Variants in SLC25A33 observed in about 807,000 individuals in gnomAD.
SLC25A33 encodes the protein bone marrow stromal cell mitochondrial carrier protein.
A neutral mutation model predicts 35.5 loss-of-function variants in SLC25A33; 15 were observed. That is an observed-to-expected ratio of 0.42 (90% CI 0.28 to 0.65). The LOEUF (loss-of-function observed/expected upper bound fraction) is 0.65, where lower values mean the gene tolerates loss of function less well. SLC25A33 is among the 30% of genes least tolerant of loss of function. The pLI, the probability that SLC25A33 is intolerant of heterozygous loss-of-function variation, is 0.20. For synonymous variants in SLC25A33, 136 were observed against 148.7 expected (o/e 0.91, Z 0.62); for missense variants, 257 against 398.5 (o/e 0.64, Z 3.02).
At chr1:9,555,102 ATTTAGCAC>A (rs1643320623) in intron 2 of SLC25A33, among the ~76,000 whole-genome samples, 6 of 144,850 alleles carry the variant, frequency 4.1e-5, no homozygotes, top group Non-Finnish European at 7.6e-5. Context: ...AAAACAACGC[ATTTAGCAC>A]TTTTTTTTTT....
chr1:9,552,038 TGAA>T (rs1379203603), intron 1 of SLC25A33, among the ~76,000 whole-genome samples: 1 of 152,164 alleles, frequency 6.6e-6, no homozygotes, highest in Non-Finnish European at 1.5e-5. Context: ...TGAGTTGCCT[TGAA>T]GAAAAATATT....
rs768526283 is a variant in SLC25A33 at position 9,567,287 on chromosome 1, G to A, written c.240G>A (p.Ser80=). ...VTPGLFQVLK[S]ILEKEGPKSL... ...TTTGTCTTTTCTTATTATTCAGGTCGATCTTGGAGAAAGAGGGACCAAAGT... is the reference window on the plus strand; with the variant it reads ...TTTGTCTTTTCTTATTATTCAGGTCAATCTTGGAGAAAGAGGGACCAAAGT... Residue 80 remains serine, a synonymous_variant, in exon 3 of 7, where the codon TCG becomes TCA. Transcript: ENST00000302692. The A allele has an allele frequency of 2.1e-5, 34 of 1,613,792 alleles. No homozygotes were observed. The highest frequency in any genetic ancestry group is 2.7e-5 in the African/African-American group (2 of 75,024).
chr1:9,570,248 G>C lies in SLC25A33; in HGVS notation c.315-10G>C. On this transcript the variant is annotated splice_polypyrimidine_tract_variant and intron_variant, in intron 3 of 6. Coordinates refer to ENST00000302692, the MANE Select transcript of SLC25A33 (RefSeq NM_032315.3). The stretch of plus-strand genomic sequence containing the variant: ...ATGATTTCTTTATAATGTTCTCTTT[G>C]TTCTAACAGGGCTGTATACTTTGCA... 1.2e-6 allele frequency: 2 copies of C among 1,610,064 alleles called. No individual in the cohort carries two copies. Among genetic ancestry groups the C allele is most frequent in the Non-Finnish European group, 1.7e-6 (2 of 1,177,986 alleles).
intron 1 of SLC25A33, among the ~76,000 whole-genome samples, chr1:9,548,469 G>T (rs1322957270): frequency 6.6e-6 from 1 of 151,996 alleles, no homozygotes; most frequent in Non-Finnish European, 1.5e-5. Context: ...GTAATCCCAG[G>T]AACTCATGAG....
At chr1:9,567,441 T>A in intron 3 of SLC25A33, 80 bp downstream of exon 3, 3 of 1,270,568 alleles carry the variant, frequency 2.4e-6, no homozygotes, top group Non-Finnish European at 3.4e-6. Context: ...GTGATGCTGC[T>A]GAATGACCAG....
At chr1:9,545,484 G>A (rs1423216268) in intron 1 of SLC25A33, among the ~76,000 whole-genome samples, 6 of 151,962 alleles carry the variant, frequency 3.9e-5, no homozygotes, top group Non-Finnish European at 1.5e-5. Flanking sequence ...TGCAACCTCC[G>A]CCCTCCGAGT....
chr1:9,560,100 A>G (rs1643400080), intron 2 of SLC25A33, among the ~76,000 whole-genome samples: 1 of 151,884 alleles, frequency 6.6e-6, no homozygotes, highest in Non-Finnish European at 1.5e-5. Context: ...AAAAATACAA[A>G]AACCAGCCGG....
intron 2 of SLC25A33, among the ~76,000 whole-genome samples, chr1:9,565,262 A>G (rs913609017): frequency 2.0e-4 from 30 of 152,186 alleles, no homozygotes; most frequent in African/African-American, 7.2e-4. Flanking sequence ...CTCGCCTGTA[A>G]TCCCAGCACT....
At chr1:9,556,426 T>TA in intron 2 of SLC25A33, among the ~76,000 whole-genome samples, 3 of 152,252 alleles carry the variant, frequency 2.0e-5, no homozygotes, top group Non-Finnish European at 4.4e-5. Context: ...TTTTACAGGA[T>TA]ATGTGGGTTG....
intron 1 of SLC25A33, among the ~76,000 whole-genome samples, chr1:9,542,371 A>G (rs1273400882): frequency 6.6e-6 from 1 of 152,110 alleles, no homozygotes; most frequent in African/African-American, 2.4e-5. Flanking sequence ...ATTGTATTTA[A>G]CAAGTTTCCG....
At position 9,582,285 on chromosome 1, in the gene SLC25A33, T is replaced by C; in HGVS notation, c.764-14T>C. ...TTAATATGTGGCGTAAAGTAGGTCT[T>C]TCTCTCTCTGCAGAAGTCATAAGGA... On this transcript the variant is annotated splice_polypyrimidine_tract_variant and intron_variant, in intron 6 of 6. Transcript: ENST00000302692. This position sits in a 1 kb window ranked among gnomAD's most constrained non-coding sequence, Gnocchi z 4.0. 12 of 1,613,760 alleles carry C rather than the reference T, an allele frequency of 7.4e-6. No individual in the cohort carries two copies. The highest frequency in any genetic ancestry group is 2.2e-5 in the South Asian group (2 of 91,064).
At chr1:9,577,104 G>T (rs1643670563) in intron 5 of SLC25A33, 1 of 508,900 alleles carries the variant, frequency 2.0e-6, no homozygotes, top group Admixed American at 3.2e-5. Flanking sequence ...AGCCAGGTGG[G>T]GGCGGCAGAG....
intron 1 of SLC25A33, among the ~76,000 whole-genome samples, chr1:9,547,055 C>T (rs1643184059): frequency 6.6e-6 from 1 of 152,194 alleles, no homozygotes; most frequent in African/African-American, 2.4e-5. Flanking sequence ...AATCATATGT[C>T]CATCCCTAAA....
intron 2 of SLC25A33, among the ~76,000 whole-genome samples, chr1:9,558,592 T>C (rs1643378242): frequency 6.6e-6 from 1 of 152,204 alleles, no homozygotes; most frequent in African/African-American, 2.4e-5. Context: ...CTGTCTCTGT[T>C]AGAGGCAGCT....
intron 2 of SLC25A33, among the ~76,000 whole-genome samples, chr1:9,555,686 T>G (rs1643332997): frequency 2.0e-5 from 3 of 151,948 alleles, no homozygotes; most frequent in Non-Finnish European, 4.4e-5. Flanking sequence ...TTTGTTTGTT[T>G]GTTTGTTTTC....
intron 2 of SLC25A33, among the ~76,000 whole-genome samples, chr1:9,564,739 A>AAAATATATATATATATATATATATAT (rs60174872): frequency 4.1e-5 from 4 of 96,538 alleles, no homozygotes; most frequent in South Asian, 3.1e-4. Context: ...AAAAAAAAAA[A>AAAATATATATATATATATATATATAT]ATATATATAT....
intron 1 of SLC25A33, among the ~76,000 whole-genome samples, chr1:9,552,963 G>A (rs1051046279): frequency 7.0e-6 from 1 of 142,150 alleles, no homozygotes; most frequent in Non-Finnish European, 1.5e-5. Flanking sequence ...TGTTGCCCAG[G>A]CTGGAGTGCA....
At chr1:9,580,805 G>A (rs909193894) in intron 6 of SLC25A33, among the ~76,000 whole-genome samples, 25 of 150,342 alleles carry the variant, frequency 1.7e-4, no homozygotes, top group South Asian at 4.2e-4. Flanking sequence ...GCAGTGAGCC[G>A]AGATCAAGCC....
intron 2 of SLC25A33, among the ~76,000 whole-genome samples, chr1:9,557,051 A>T (rs983073406): frequency 6.6e-6 from 1 of 152,156 alleles, no homozygotes; most frequent in Admixed American, 6.5e-5. Context: ...CTCCTTCCTC[A>T]GCCTCCCAAG....
Sources: allele counts gnomAD v4.1 joint callset (sites outside exome capture counted in the v4.1 genomes callset), GRCh38; gene constraint gnomAD v4.1.1; non-coding constraint Gnocchi (gnomAD v3.1); transcripts MANE v1.5; gene names NCBI Gene and HGNC (gene_info 2026-07-23, HGNC 2026-07-21).